The following COL4A6 variants were observed in gnomAD, a reference collection of about 807,000 sequenced individuals.
COL4A6 encodes the protein collagen alpha-6(IV) chain.
In COL4A6, 59 loss-of-function variants were observed where a neutral mutation model predicts 126.7. That is an observed-to-expected ratio of 0.47 (90% CI 0.38 to 0.58). COL4A6 has a LOEUF of 0.58. Among genes scored for constraint, COL4A6 ranks in the 20% least tolerant of loss-of-function variants. The pLI is 0.00. For synonymous variants in COL4A6, 547 were observed against 496.6 expected (o/e 1.10, Z -1.35); for missense variants, 1,285 against 1,337.3 (o/e 0.96, Z 0.61).
At chrX:108,178,397 A>G (rs1047753602) in intron 27 of COL4A6, among the ~76,000 whole-genome samples, 5 of 112,132 alleles carry the variant, frequency 4.5e-5, no homozygotes, top group Non-Finnish European at 7.5e-5. Flanking sequence ...GGCTTCTCTA[A>G]CTGGGGAGGT....
chrX:108,321,121 G>A lies in COL4A6; in HGVS notation c.64-10293C>T, dbSNP rs150510297. Among the ~76,000 whole-genome samples, 479 of 111,678 alleles carry A rather than the reference G, an allele frequency of 4.3e-3. 3 individuals are homozygous for A. The highest frequency in any genetic ancestry group is 6.0e-3 in the Non-Finnish European group (317 of 53,089). On this transcript the variant is annotated intron_variant, in intron 2 of 44. Coordinates refer to ENST00000334504, the MANE Select transcript of COL4A6 (RefSeq NM_033641.4). ...CAAGTGCTTGGTATATTGAGAATAC[G>A]CTCAATCTATGTCAGCTGGTATTAT...
rs1393553855 is a variant in COL4A6, at chrX:108,195,067, T to C, written c.948+15A>G. The stretch of plus-strand genomic sequence containing the variant: ...ATTTTATACCCCAAGGCTTTAATGA[T>C]ATTAACCAAAATACCTGTTGCCCTG... On this transcript the variant is annotated intron_variant, in intron 15 of 44. Transcript: ENST00000334504. 8 of 1,193,123 alleles carry C rather than the reference T, an allele frequency of 6.7e-6. No homozygotes were observed. The Middle Eastern group carries it at 7.0e-4, about 104-fold the overall frequency.
chrX:108,377,968 AG>A (rs1351952424), intron 2 of COL4A6, among the ~76,000 whole-genome samples: 11 of 104,991 alleles, frequency 1.0e-4, no homozygotes, highest in African/African-American at 3.9e-4. Context: ...AAAAAAAAAA[AG>A]CTCTAACTCA....
intron 3 of COL4A6, among the ~76,000 whole-genome samples, chrX:108,249,893 A>G (rs997084533): frequency 8.9e-6 from 1 of 111,989 alleles, no homozygotes; most frequent in African/African-American, 3.3e-5. Flanking sequence ...TATAATATAC[A>G]ATCCATGATT....
In COL4A6 at chrX:108,438,275, T is replaced by A. The variant is rs1042683608; in HGVS notation, c.-79A>T. ...CCCGTGCTCATCTGGGCTCTGCTGA[T>A]GCTTGGAGGCTGTTTCCTTACTCAG... On this transcript the variant is annotated 5_prime_UTR_variant, in exon 1 of 45. Coordinates refer to ENST00000334504, the MANE Select transcript of COL4A6 (RefSeq NM_033641.4). 5.3e-6 allele frequency: 6 copies of A among 1,135,222 alleles called. No homozygotes were observed. The African/African-American group carries it at 1.1e-4, about 21-fold the overall frequency. 93.6% of individuals were successfully genotyped at this position (1,135,222 alleles called of 1,213,427 possible).
chrX:108,219,154 A>G (rs368853124), intron 5 of COL4A6, among the ~76,000 whole-genome samples: 6 of 112,365 alleles, frequency 5.3e-5, no homozygotes, highest in Non-Finnish European at 9.4e-5. Context: ...TGGGCAGAGC[A>G]GAGGTCCACA....
chrX:108,212,514 TA>T (rs2035741111), intron 6 of COL4A6, among the ~76,000 whole-genome samples: 1 of 112,001 alleles, frequency 8.9e-6, no homozygotes, highest in South Asian at 3.7e-4. Flanking sequence ...TCCCTACACC[TA>T]AGGGGAAGTC....
intron 2 of COL4A6, among the ~76,000 whole-genome samples, chrX:108,382,962 A>AAAAAAT (rs2040591874): frequency 1.1e-5 from 1 of 88,293 alleles, no homozygotes; most frequent in East Asian, 3.4e-4. Context: ...CCCCCGCCAA[A>AAAAAAT]AATAATAATA....
At chrX:108,221,449 A>G in intron 3 of COL4A6, 75 bp from the exon 4 acceptor site, 2 of 1,091,722 alleles carry the variant, frequency 1.8e-6, no homozygotes, top group East Asian at 6.1e-5. Flanking sequence ...CCACGCACAA[A>G]GAGCACTGTC....
intron 43 of COL4A6, among the ~76,000 whole-genome samples, chrX:108,160,048 GACA>G (rs2033872158): frequency 8.9e-6 from 1 of 112,464 alleles, no homozygotes; most frequent in Admixed American, 9.4e-5. Context: ...CACACCTGCA[GACA>G]ACAATTAATT....
chrX:108,165,522 T>C (rs2034102490), intron 37 of COL4A6, 36 bp from the exon 38 acceptor site: 2 of 980,324 alleles, frequency 2.0e-6, no homozygotes, highest in South Asian at 4.9e-5. Context: ...GGATAGGCTC[T>C]GTGTGCCCAG....
chrX:108,349,801 C>T (rs1466874846), intron 2 of COL4A6, among the ~76,000 whole-genome samples: 1 of 111,445 alleles, frequency 9.0e-6, no homozygotes, highest in Admixed American at 9.5e-5. Context: ...AGTAACAATC[C>T]CTGCAACATA....
chrX:108,356,596 A>T (rs934483737), intron 2 of COL4A6, among the ~76,000 whole-genome samples: 1 of 111,406 alleles, frequency 9.0e-6, no homozygotes, highest in Non-Finnish European at 1.9e-5. Context: ...GTTACCCCTG[A>T]GCCCCAAGAC....
chrX:108,272,406 G>C (rs1052557489), intron 3 of COL4A6, among the ~76,000 whole-genome samples: 1 of 111,556 alleles, frequency 9.0e-6, no homozygotes, highest in Non-Finnish European at 1.9e-5. Context: ...CTGGTACCTA[G>C]AACACTGATT....
chrX:108,312,171 T>A (rs770767446), intron 2 of COL4A6, among the ~76,000 whole-genome samples: 2 of 112,461 alleles, frequency 1.8e-5, no homozygotes, highest in African/African-American at 6.4e-5. Flanking sequence ...GGCATATTTA[T>A]GAGCTGACCT....
intron 3 of COL4A6, among the ~76,000 whole-genome samples, chrX:108,274,910 T>C (rs1021882030): frequency 6.3e-5 from 7 of 111,294 alleles, no homozygotes; most frequent in African/African-American, 2.3e-4. Context: ...CATAACTTAA[T>C]CAGGAGAGCA....
At chrX:108,285,969 A>C (rs1244952442) in intron 3 of COL4A6, among the ~76,000 whole-genome samples, 1 of 111,845 alleles carries the variant, frequency 8.9e-6, no homozygotes, top group Admixed American at 9.5e-5. Flanking sequence ...CTGGTGTTCT[A>C]AAGAATGCAG....
chrX:108,310,781 C>G lies in COL4A6; in HGVS notation c.111G>C (p.Gly37=), dbSNP rs768081839. 5.0e-6 allele frequency: 6 copies of G among 1,208,920 alleles called. No homozygotes were observed. The African/African-American group carries it at 1.1e-4, about 21-fold the overall frequency. ...GKPCGGQDCS[G]SCQCFPEKGA... is the part of the protein sequence containing the mutation. ...CTTTCTCAGGAAAACACTGACAGCT[C>G]CCACTGCAGTCCTGGCCCCCACATG... The change falls in exon 3 of 45, where the codon GGG becomes GGC. Residue 37 remains glycine (G), a synonymous_variant. Transcript: ENST00000334504.
chrX:108,382,808 G>A (rs749120699), intron 2 of COL4A6, among the ~76,000 whole-genome samples: 1 of 107,906 alleles, frequency 9.3e-6, no homozygotes, highest in Non-Finnish European at 1.9e-5. Context: ...TTAGCTGGGC[G>A]GTAGTGGTGC....
Sources: allele counts gnomAD v4.1 joint callset (sites outside exome capture counted in the v4.1 genomes callset), GRCh38; gene constraint gnomAD v4.1.1; transcripts MANE v1.5; gene names NCBI Gene and HGNC (gene_info 2026-07-23, HGNC 2026-07-21).